The following EBF3 variants were observed in gnomAD, a reference collection of about 807,000 sequenced individuals.
EBF3 encodes transcription factor COE3.
In EBF3, 18 loss-of-function variants were observed where a neutral mutation model predicts 77.1. That is an observed-to-expected ratio of 0.23 (90% CI 0.16 to 0.35). EBF3 has a LOEUF of 0.35. EBF3 is among the 10% of genes least tolerant of loss of function. The pLI is 1.00. For missense variants in EBF3, 558 were observed against 860.0 expected (o/e 0.65, Z 4.39); for synonymous variants, 350 against 343.5 (o/e 1.02, Z -0.21).
In EBF3 at chr10:129,964,009, A is replaced by AGGACGCGGT; in HGVS notation, c.-250_-242dup. 4 of 985,110 alleles carry AGGACGCGGT rather than the reference A, an allele frequency of 4.1e-6. No individual in the cohort carries two copies. The highest frequency in any genetic ancestry group is 4.8e-6 in the Non-Finnish European group (4 of 829,822). The allele number at this position is 985,110 out of a possible 1,614,324, so 61.0% of individuals were successfully genotyped here. ...GGCGGCGGCGGCGCTTCGAAGGAGCAGGACGCGGTGGCCGCGGCGGCGCTT... is the reference window on the plus strand; with the variant it reads ...GGCGGCGGCGGCGCTTCGAAGGAGCAGGACGCGGTGGACGCGGTGGCCGCGGCGGCGCTT... On this transcript the variant is annotated 5_prime_UTR_variant, in exon 1 of 17. Transcript: ENST00000440978. This position sits in a 1 kb window ranked among gnomAD's most constrained non-coding sequence, Gnocchi z 4.5.
chr10:129,865,232 T>C (rs144316683), intron 10 of EBF3, among the ~76,000 whole-genome samples: 1,728 of 152,324 alleles, frequency 0.011, 42 homozygotes, highest in Admixed American at 0.056. Flanking sequence ...ATCTCGCCTT[T>C]CCCAGGTACC....
intron 15 of EBF3, among the ~76,000 whole-genome samples, chr10:129,839,753 C>G (rs1849876138): frequency 6.6e-6 from 1 of 152,226 alleles, no homozygotes; most frequent in Admixed American, 6.5e-5. Flanking sequence ...TTGAGATGGG[C>G]TCCACAGGTA....
At position 129,842,252 on chromosome 10, in the gene EBF3, C is replaced by T; in HGVS notation, c.1236G>A (p.Leu412=). The T allele has an allele frequency of 2.5e-6, 4 of 1,612,362 alleles. No homozygotes were observed. Among genetic ancestry groups the T allele is most frequent in the East Asian group, 2.2e-5 (1 of 44,792 alleles). The part of the protein sequence containing the change: ...LKRAADIAEA[L]YSVPRNHNQI... ...GGTTGTGATTGCGGGGAACGCTGTACAGCGCCTCGGCGATGTCCGCCGCTC... is the reference window on the plus strand; with the variant it reads ...GGTTGTGATTGCGGGGAACGCTGTATAGCGCCTCGGCGATGTCCGCCGCTC... The change falls in exon 13 of 17, where the codon CTG becomes CTA. Residue 412 remains leucine (L), a synonymous_variant. Coordinates refer to ENST00000440978, the MANE Select transcript of EBF3 (RefSeq NM_001375380.1). This position sits in a 1 kb window ranked among gnomAD's most constrained non-coding sequence, Gnocchi z 4.4.
In EBF3 at chr10:129,864,770, G is replaced by A. The variant is rs545867372; in HGVS notation, c.1039+2371C>T. 4.6e-5 allele frequency among the ~76,000 whole-genome samples: 7 copies of A among 152,310 alleles called. No homozygotes were observed. The highest frequency in any genetic ancestry group is 7.4e-5 in the Non-Finnish European group (5 of 68,024). Reference sequence around the variant, plus strand: ...AGGAGCCCACCCCTGCCATGTGCCCGCCGAAGCTCAGGTGCTGCTCCATGG... The same window carrying A: ...AGGAGCCCACCCCTGCCATGTGCCCACCGAAGCTCAGGTGCTGCTCCATGG... On this transcript the variant is annotated intron_variant, in intron 10 of 16. Coordinates refer to ENST00000440978, the MANE Select transcript of EBF3 (RefSeq NM_001375380.1). The surrounding 1 kb of genome is among the most constrained non-coding windows in gnomAD (Gnocchi z 4.4).
intron 6 of EBF3, among the ~76,000 whole-genome samples, chr10:129,901,742 A>AAGG: frequency 6.6e-6 from 1 of 152,208 alleles, no homozygotes; most frequent in African/African-American, 2.4e-5. Flanking sequence ...TGTCACATGC[A>AAGG]CCAAATATTA....
rs564101550 is a variant in EBF3, at chr10:129,860,667, G to A, written c.1039+6474C>T. 3.3e-5 allele frequency among the ~76,000 whole-genome samples: 5 copies of A among 152,324 alleles called. No individual in the cohort carries two copies. The East Asian group carries it at 9.7e-4, about 29-fold the overall frequency. On this transcript the variant is annotated intron_variant, in intron 10 of 16. Transcript: ENST00000440978. The stretch of plus-strand genomic sequence containing the variant: ...GCAATAGCCCAAAAGCGCTTGACTT[G>A]TACTAATAACAAAAAGGCCATGCTG...
intron 11 of EBF3, among the ~76,000 whole-genome samples, chr10:129,844,835 G>A (rs562207873): frequency 1.6e-4 from 25 of 152,258 alleles, no homozygotes; most frequent in East Asian, 3.9e-4. Context: ...ATCAGGTTTC[G>A]TTAGCCTGAG....
At chr10:129,866,782 C>A (rs972106092) in intron 10 of EBF3, among the ~76,000 whole-genome samples, 1 of 152,174 alleles carries the variant, frequency 6.6e-6, no homozygotes, top group Non-Finnish European at 1.5e-5. Flanking sequence ...GGTGGACACA[C>A]GGCCCCTAGC....
chr10:129,854,291 A>G lies in EBF3; in HGVS notation c.1040-5811T>C, dbSNP rs563407715. On this transcript the variant is annotated intron_variant, in intron 10 of 16. Transcript: ENST00000440978. ...TGCTGCAAAAAAAATCAATGGGGCG[A>G]GATCAATGCTCATAGAAATTTCATG... Among the ~76,000 whole-genome samples, 3 of 152,296 alleles carry G rather than the reference A, an allele frequency of 2.0e-5. 1 individual carries two copies. In the South Asian group the frequency reaches 6.2e-4, roughly 32 times the overall value.
intron 7 of EBF3, among the ~76,000 whole-genome samples, chr10:129,873,934 G>A (rs530417336): frequency 2.6e-5 from 4 of 152,166 alleles, no homozygotes; most frequent in African/African-American, 4.8e-5. Context: ...TTTTAAAGCC[G>A]CTGTTTTGAT....
chr10:129,843,976 A>AAAT (rs1850275998), intron 11 of EBF3, among the ~76,000 whole-genome samples: 1 of 152,246 alleles, frequency 6.6e-6, no homozygotes, highest in South Asian at 2.1e-4. Context: ...TTTTAAATAC[A>AAAT]AATGGGGGCT....
chr10:129,940,590 C>T (rs901335289), intron 6 of EBF3, among the ~76,000 whole-genome samples: 9 of 152,232 alleles, frequency 5.9e-5, no homozygotes, highest in African/African-American at 1.9e-4. Context: ...TTGTAAAGAG[C>T]CCCATGCTTA....
rs200714647 is a variant in EBF3 at position 129,924,836 on chromosome 10, T to TA, written c.554+32421dup. ...CATGTGCCACCACGCCTGGCTAATT[T>TA]AAAAAAAAAATTTGTGAAGATGGAG... On this transcript the variant is annotated intron_variant, in intron 6 of 16. Transcript: ENST00000440978. Among the ~76,000 whole-genome samples the TA allele has an allele frequency of 3.3e-3, 491 of 151,074 alleles. 6 individuals carry two copies. The highest frequency in any genetic ancestry group is 0.023 in the East Asian group (120 of 5,132).
chr10:129,960,142 G>A (rs1859389849), intron 4 of EBF3, among the ~76,000 whole-genome samples: 1 of 152,142 alleles, frequency 6.6e-6, no homozygotes, highest in South Asian at 2.1e-4. Context: ...CTGGGGGAGG[G>A]GCGGGAGGCT....
chr10:129,957,738 A>G (rs956165145), intron 5 of EBF3, among the ~76,000 whole-genome samples: 2 of 152,238 alleles, frequency 1.3e-5, no homozygotes, highest in African/African-American at 4.8e-5. Context: ...TGCCACCTTC[A>G]ACCAATATTT....
At chr10:129,891,283 C>T (rs1283796934) in intron 6 of EBF3, among the ~76,000 whole-genome samples, 1 of 152,212 alleles carries the variant, frequency 6.6e-6, no homozygotes, top group East Asian at 1.9e-4. Context: ...ATAATCATTA[C>T]ACCTACATGA....
At chr10:129,878,661 C>CAAAAAA (rs538628576) in intron 6 of EBF3, among the ~76,000 whole-genome samples, 615 of 34,826 alleles carry the variant, frequency 0.018, 54 homozygotes, top group East Asian at 0.05. Context: ...GGCTCTGTCT[C>CAAAAAA]AAAAAAAAAA....
At chr10:129,851,016 C>T (rs754727085) in intron 10 of EBF3, among the ~76,000 whole-genome samples, 3 of 152,206 alleles carry the variant, frequency 2.0e-5, no homozygotes, top group Non-Finnish European at 4.4e-5. Flanking sequence ...TCACAGAGCC[C>T]CGAGCCAGGC....
chr10:129,842,215 G>C lies in EBF3; in HGVS notation c.1273C>G (p.Leu425Val). 6.2e-7 allele frequency: 1 copy of C among 1,614,228 alleles called. No homozygotes were observed. Among genetic ancestry groups the C allele is most frequent in the Non-Finnish European group, 8.5e-7 (1 of 1,180,042 alleles). ...CCCGTGTGTGCAGGGTTGTTGCCCA[G>C]GGTGGGGATCTGGTTGTGATTGCGG... ...VPRNHNQIPT[L>V]GNNPAHTGMM... Residue 425 changes from leucine to valine, a missense_variant, in exon 13 of 17, where the codon CTG (leucine) becomes GTG (valine). This residue lies in a region of EBF3 where 284 missense variants were observed against 368.3 expected (regional missense o/e 0.77). Transcript: ENST00000440978. The surrounding 1 kb of genome is among the most constrained non-coding windows in gnomAD (Gnocchi z 4.4).
Sources: allele counts gnomAD v4.1 joint callset (sites outside exome capture counted in the v4.1 genomes callset), GRCh38; gene constraint gnomAD v4.1.1; regional missense constraint gnomAD v4.1.1; non-coding constraint Gnocchi (gnomAD v3.1); transcripts MANE v1.5; gene names NCBI Gene and HGNC (gene_info 2026-07-23, HGNC 2026-07-21).